Variants in TNIK observed in about 807,000 individuals in gnomAD.
The protein encoded by TNIK is TRAF2 and NCK interacting kinase.
Under a neutral mutation model 191.3 loss-of-function variants are expected in TNIK, and 49 were observed. The ratio of observed to expected loss-of-function variants is 0.26; its 90% CI spans 0.20 to 0.32. The LOEUF (loss-of-function observed/expected upper bound fraction) is 0.32. Ranked by LOEUF, TNIK falls within the 10% of genes least tolerant of loss-of-function variation. The pLI is 1.00. For missense variants in TNIK, 1,155 were observed against 1,702.3 expected (o/e 0.68, Z 5.66); for synonymous variants, 594 against 600.9 (o/e 0.99, Z 0.17).
At chr3:171,146,005 G>T (rs1731518793) in intron 12 of TNIK, among the ~76,000 whole-genome samples, 1 of 152,120 alleles carries the variant, frequency 6.6e-6, no homozygotes, top group Non-Finnish European at 1.5e-5. Context: ...TACTTACTAG[G>T]CAAGTGTATA....
rs542453210 is a variant in TNIK, at chr3:171,101,523, G to A, written c.2517C>T (p.Ser839=). ...YSSSSEESES[S]EEEEEDGESE... The stretch of plus-strand genomic sequence containing the variant: ...TCTCTCCATCTTCCTCCTCTTCCTC[G>A]CTACTTTCTGACTCCTCACTGGAGG... The change falls in exon 22 of 33, where the codon AGC becomes AGT. Residue 839 remains serine (S), a synonymous_variant. Transcript: ENST00000436636. 5.6e-6 allele frequency: 9 copies of A among 1,613,272 alleles called. No individual in the cohort carries two copies. Among genetic ancestry groups the A allele is most frequent in the Admixed American group, 3.3e-5 (2 of 59,948 alleles).
At chr3:171,352,357 A>G (rs1395007960) in intron 2 of TNIK, among the ~76,000 whole-genome samples, 3 of 152,192 alleles carry the variant, frequency 2.0e-5, no homozygotes, top group Non-Finnish European at 4.4e-5. Flanking sequence ...ACCACACCCC[A>G]AGTATGGAGG....
intron 2 of TNIK, among the ~76,000 whole-genome samples, chr3:171,263,849 G>T (rs1747996019): frequency 1.3e-5 from 2 of 151,836 alleles, no homozygotes; most frequent in African/African-American, 4.8e-5. Flanking sequence ...CTTGGAGGAG[G>T]TTATGGAGGG....
At chr3:171,332,090 AGAG>A (rs1413371402) in intron 2 of TNIK, among the ~76,000 whole-genome samples, 7 of 152,212 alleles carry the variant, frequency 4.6e-5, no homozygotes, top group African/African-American at 1.2e-4. Context: ...GGAAAAGTAT[AGAG>A]AAGACGGAAA....
At chr3:171,282,388 C>T (rs1372943822) in intron 2 of TNIK, among the ~76,000 whole-genome samples, 2 of 134,912 alleles carry the variant, frequency 1.5e-5, no homozygotes, top group African/African-American at 5.7e-5. Flanking sequence ...GTTGCCCAGG[C>T]TGGAGTACAA....
At chr3:171,334,505 C>T (rs1463846016) in intron 2 of TNIK, among the ~76,000 whole-genome samples, 1 of 152,178 alleles carries the variant, frequency 6.6e-6, no homozygotes, top group Non-Finnish European at 1.5e-5. Flanking sequence ...TTAGGGCATC[C>T]AGCAATGGCT....
intron 23 of TNIK, 48 bp downstream of exon 23, chr3:171,093,791 C>T: frequency 6.2e-7 from 1 of 1,604,738 alleles, no homozygotes; most frequent in Non-Finnish European, 8.5e-7. Context: ...AATGTAAAAA[C>T]CACTGAAGAA....
chr3:171,207,392 C>T (rs2134118), intron 4 of TNIK, among the ~76,000 whole-genome samples: 113,857 of 151,794 alleles, frequency 0.75, 43,111 homozygotes, highest in East Asian at 0.89. Flanking sequence ...AGAGATGAGG[C>T]CTCACTATGT....
At chr3:171,443,722 G>A (rs1317947151) in intron 1 of TNIK, among the ~76,000 whole-genome samples, 1 of 152,126 alleles carries the variant, frequency 6.6e-6, no homozygotes, top group Non-Finnish European at 1.5e-5. Context: ...AGCTCAAGAG[G>A]CTGAAGTGGG....
At chr3:171,252,354 G>C (rs1052625883) in intron 2 of TNIK, among the ~76,000 whole-genome samples, 1 of 152,114 alleles carries the variant, frequency 6.6e-6, no homozygotes, top group Non-Finnish European at 1.5e-5. Context: ...ATGGGCAGCC[G>C]ATGAAAATTA....
At chr3:171,167,344 G>A in intron 9 of TNIK, 74 bp from the exon 10 acceptor site, 1 of 1,549,212 alleles carries the variant, frequency 6.5e-7, no homozygotes, top group East Asian at 2.3e-5. Flanking sequence ...TTTCTGAAAT[G>A]CTGGGACTTT....
intron 1 of TNIK, among the ~76,000 whole-genome samples, chr3:171,424,434 A>T (rs1469612339): frequency 2.0e-5 from 3 of 152,226 alleles, no homozygotes; most frequent in Non-Finnish European, 4.4e-5. Flanking sequence ...GCAATTCCTC[A>T]GGGATCTAGA....
At chr3:171,117,024 A>G (rs1424262444) in intron 18 of TNIK, among the ~76,000 whole-genome samples, 1 of 152,238 alleles carries the variant, frequency 6.6e-6, no homozygotes, top group Non-Finnish European at 1.5e-5. Flanking sequence ...GACTTTAGCC[A>G]TCTAGGAAGG....
chr3:171,263,930 A>G (rs1291543071), intron 2 of TNIK, among the ~76,000 whole-genome samples: 1 of 151,972 alleles, frequency 6.6e-6, no homozygotes, highest in African/African-American at 2.4e-5. Flanking sequence ...ACTGGGTGTG[A>G]GGCAGGGAGC....
intron 6 of TNIK, 89 bp downstream of exon 6, chr3:171,190,608 G>T: frequency 2.0e-6 from 2 of 1,004,016 alleles, no homozygotes; most frequent in Non-Finnish European, 2.9e-6. Context: ...CCAAATCCAC[G>T]GTGACAAATT....
At chr3:171,211,356 G>T in intron 3 of TNIK, 115 bp from the exon 4 acceptor site, 1 of 1,212,700 alleles carries the variant, frequency 8.2e-7, no homozygotes, top group Non-Finnish European at 1.1e-6. Context: ...TGACAAATGA[G>T]CATAATTATT....
chr3:171,149,293 C>G (rs528782316), intron 12 of TNIK, among the ~76,000 whole-genome samples: 1 of 149,858 alleles, frequency 6.7e-6, no homozygotes, highest in Admixed American at 6.6e-5. Context: ...ATGCAAGGTA[C>G]TCTAGATACA....
intron 1 of TNIK, among the ~76,000 whole-genome samples, chr3:171,420,072 C>T (rs1261047532): frequency 6.6e-6 from 1 of 152,164 alleles, no homozygotes; most frequent in African/African-American, 2.4e-5. Context: ...CTATTTCATG[C>T]CCGGAGCTGA....
intron 3 of TNIK, among the ~76,000 whole-genome samples, chr3:171,216,696 T>A (rs1225976560): frequency 1.3e-5 from 2 of 152,152 alleles, no homozygotes; most frequent in Non-Finnish European, 2.9e-5. Context: ...TAAATGAGAA[T>A]TAAACATGTA....
Sources: allele counts gnomAD v4.1 joint callset (sites outside exome capture counted in the v4.1 genomes callset), GRCh38; gene constraint gnomAD v4.1.1; transcripts MANE v1.5; gene names NCBI Gene and HGNC (gene_info 2026-07-23, HGNC 2026-07-21).